The following COL5A1 variants were observed in gnomAD, a reference collection of about 807,000 sequenced individuals.
The protein encoded by COL5A1 is collagen type V alpha 1 chain, also known as collagen alpha-1(V) chain.
COL5A1 carries 16 observed loss-of-function variants against 263.7 expected under a neutral mutation model. The ratio of observed to expected loss-of-function variants is 0.06; its 90% CI spans 0.04 to 0.09. The LOEUF (loss-of-function observed/expected upper bound fraction) is 0.09. Among genes scored for constraint, COL5A1 ranks in the 10% least tolerant of loss-of-function variants. The pLI is 1.00. For missense variants in COL5A1, 2,036 were observed against 2,540.5 expected, an observed-to-expected ratio of 0.80 and a Z score of 4.27; for synonymous variants, 1,012 against 1,004.5, an observed-to-expected ratio of 1.01 and a Z score of -0.14.
chr9:134,757,419 G>T lies in COL5A1; in HGVS notation c.1881+601G>T, dbSNP rs1327135487. 1.3e-5 allele frequency among the ~76,000 whole-genome samples: 2 copies of T among 152,336 alleles called. No individual in the cohort carries two copies. Among genetic ancestry groups the T allele is most frequent in the Admixed American group, 6.5e-5 (1 of 15,308 alleles). On this transcript the variant is annotated intron_variant, in intron 17 of 65. Coordinates refer to ENST00000371817, the MANE Select transcript of COL5A1 (RefSeq NM_000093.5). The surrounding 1 kb of genome is among the most constrained non-coding windows in gnomAD (Gnocchi z 6.2). Reference sequence around the variant, plus strand: ...GTCCCAGGCCACGGGGGGCAGGGGAGATACTGACCTTCCGTGAAGAGTGCA... The same window carrying T: ...GTCCCAGGCCACGGGGGGCAGGGGATATACTGACCTTCCGTGAAGAGTGCA...
chr9:134,775,062 A>G (rs1837003405), intron 27 of COL5A1, 150 bp downstream of exon 27: 1 of 777,118 alleles, frequency 1.3e-6, no homozygotes, highest in African/African-American at 1.7e-5. Context: ...ACTTGTGTGG[A>G]CGCTAGGTCT....
intron 34 of COL5A1, 131 bp downstream of exon 34, chr9:134,795,446 G>T (rs1264045294): frequency 1.3e-6 from 1 of 787,760 alleles, no homozygotes; most frequent in Non-Finnish European, 2.0e-6. Context: ...ATTTTCTTAG[G>T]TGTGTTTAAG....
intron 2 of COL5A1, 76 bp downstream of exon 2, chr9:134,691,155 G>A (rs1437664714): frequency 6.3e-7 from 1 of 1,578,092 alleles, no homozygotes; most frequent in African/African-American, 1.3e-5. Context: ...CAGCGCTCAA[G>A]CCTGCGTGGT....
intron 33 of COL5A1, 62 bp from the exon 34 acceptor site, chr9:134,795,200 G>C: frequency 6.2e-7 from 1 of 1,612,782 alleles, no homozygotes. Context: ...CCAGGGGCTG[G>C]GGGAAGGCAG....
chr9:134,766,390 C>T (rs1346729206), intron 21 of COL5A1, 64 bp from the exon 22 acceptor site: 1 of 1,532,380 alleles, frequency 6.5e-7, no homozygotes, highest in African/African-American at 1.4e-5. Context: ...TGGGATTTTC[C>T]TCTTGAGCAC....
intron 31 of COL5A1, among the ~76,000 whole-genome samples, chr9:134,787,320 C>CTT (rs1837495856): frequency 2.0e-5 from 3 of 152,208 alleles, no homozygotes; most frequent in Admixed American, 6.5e-5. Flanking sequence ...AGCTCTGTGT[C>CTT]ACCTGCACTG....
At chr9:134,737,788 G>A (rs890565634) in intron 9 of COL5A1, among the ~76,000 whole-genome samples, 2 of 152,184 alleles carry the variant, frequency 1.3e-5, no homozygotes, top group South Asian at 2.1e-4. Flanking sequence ...GAGCCAGGAG[G>A]CCCTGTCCCC....
intron 11 of COL5A1, among the ~76,000 whole-genome samples, chr9:134,747,264 C>G (rs1381288616): frequency 6.6e-6 from 1 of 152,222 alleles, no homozygotes; most frequent in African/African-American, 2.4e-5. Flanking sequence ...AGGGAAGTTG[C>G]TTTCACAGCC....
At chr9:134,763,385 A>T (rs1564443564) in intron 19 of COL5A1, among the ~76,000 whole-genome samples, 1 of 152,202 alleles carries the variant, frequency 6.6e-6, no homozygotes, top group Non-Finnish European at 1.5e-5. Context: ...AGAGGCTGTC[A>T]TTCAAGAAGG....
At position 134,767,146 on chromosome 9, in the gene COL5A1, G is replaced by A. The variant is rs190613977; in HGVS notation, c.2187+93G>A. 5,361 of 1,498,000 alleles carry A rather than the reference G, an allele frequency of 3.6e-3. 17 individuals carry two copies. Among genetic ancestry groups the A allele is most frequent in the South Asian group, 4.9e-3 (422 of 86,910 alleles). The allele number at this position is 1,498,000 out of a possible 1,614,324, so 92.8% of individuals were successfully genotyped here. ...GCCCTGGGAGGAAGCGGGGAGCTCT[G>A]TCCCCTCCAAGTAGCAGCCCCTCCC... On this transcript the variant is annotated intron_variant, in intron 23 of 65. Transcript: ENST00000371817.
Position 134,843,010 on chromosome 9 carries a change from TTAGAAA to T in COL5A1, c.*711_*716del, listed in dbSNP as rs1197713461. 6.6e-6 allele frequency: 1 copy of T among 152,530 alleles called. No individual in the cohort carries two copies. Among genetic ancestry groups the T allele is most frequent in the Non-Finnish European group, 1.5e-5 (1 of 68,118 alleles). 9.4% of individuals were successfully genotyped at this position (152,530 alleles called of 1,614,324 possible). ...ATTCTGGGTTGCAGTACCGTTCTGA[TTAGAAA>T]TAGGAAGTCTCCCCACCCCCGCCCT... On this transcript the variant is annotated 3_prime_UTR_variant, in exon 66 of 66. Coordinates refer to ENST00000371817, the MANE Select transcript of COL5A1 (RefSeq NM_000093.5).
chr9:134,814,828 A>G lies in COL5A1; in HGVS notation c.3938A>G (p.Glu1313Gly), dbSNP rs2132853684. Residue 1313 changes from glutamate (E) to glycine (G), a missense_variant, in exon 50 of 66, where the codon GAG (glutamate) becomes GGG (glycine). Coordinates refer to ENST00000371817, the MANE Select transcript of COL5A1 (RefSeq NM_000093.5). ...AAAGGAGAAAGGGGAGAGAAGGGCG[A>G]GTCAGGCCCTTCAGGTGCTGCCGGA... Reference protein sequence around the residue: ...GPKGERGEKGESGPSGAAGPP... With the variant: ...GPKGERGEKGGSGPSGAAGPP... 1 of 1,552,090 alleles carries G rather than the reference A, an allele frequency of 6.4e-7. No homozygotes were observed. The highest frequency in any genetic ancestry group is 8.7e-7 in the Non-Finnish European group (1 of 1,147,342).
At chr9:134,834,119 G>A (rs1839758085) in intron 64 of COL5A1, among the ~76,000 whole-genome samples, 1 of 152,152 alleles carries the variant, frequency 6.6e-6, no homozygotes, top group African/African-American at 2.4e-5. Flanking sequence ...GAAGTGTGGT[G>A]CAGCTGGGAG....
intron 1 of COL5A1, among the ~76,000 whole-genome samples, chr9:134,661,727 C>T (rs1832210803): frequency 1.3e-5 from 2 of 152,166 alleles, no homozygotes; most frequent in South Asian, 2.1e-4. Context: ...TCTCCAGGCC[C>T]TTTCAACCTA....
chr9:134,744,944 T>C (rs79288098), intron 11 of COL5A1, among the ~76,000 whole-genome samples: 10,950 of 152,316 alleles, frequency 0.072, 512 homozygotes, highest in African/African-American at 0.12. Context: ...CACATCTACA[T>C]GCACGCGTGC....
intron 48 of COL5A1, 74 bp downstream of exon 48, chr9:134,812,786 G>T: frequency 1.9e-6 from 2 of 1,048,784 alleles, no homozygotes; most frequent in Non-Finnish European, 2.9e-6. Context: ...GTGTGTGTGT[G>T]TCTGTGTGTA....
intron 11 of COL5A1, among the ~76,000 whole-genome samples, chr9:134,747,666 C>T (rs948297533): frequency 6.6e-6 from 1 of 151,598 alleles, no homozygotes; most frequent in Non-Finnish European, 1.5e-5. Context: ...GACACATGCA[C>T]ACATGTATTC....
chr9:134,756,466 C>T (rs919609159), intron 16 of COL5A1, among the ~76,000 whole-genome samples: 2 of 152,252 alleles, frequency 1.3e-5, no homozygotes, highest in African/African-American at 4.8e-5. Context: ...TCCTCTGCCA[C>T]ATTGTGGCGT....
chr9:134,756,267 G>A (rs1170802963), intron 16 of COL5A1, among the ~76,000 whole-genome samples: 1 of 152,230 alleles, frequency 6.6e-6, no homozygotes, highest in Non-Finnish European at 1.5e-5. Flanking sequence ...GTCTGAGTGA[G>A]ACTGGGCCTC....
Sources: gnomAD v4.1 joint callset for allele counts (sites outside exome capture counted in the v4.1 genomes callset) on GRCh38, gnomAD v4.1.1 for gene constraint, Gnocchi (gnomAD v3.1) non-coding constraint, MANE v1.5 for transcripts, NCBI Gene and HGNC (gene_info 2026-07-23, HGNC 2026-07-21) for gene names.